ATAD3B: variants seen among roughly 807,000 people sequenced by gnomAD.
ATAD3B encodes ATPase family AAA domain containing 3B.
Under a neutral mutation model 70.2 loss-of-function variants are expected in ATAD3B, and 59 were observed. The ratio of observed to expected loss-of-function variants is 0.84; its 90% CI spans 0.68 to 1.04. The LOEUF is 1.04. Among genes scored for constraint, ATAD3B ranks in the 50% least tolerant of loss-of-function variants. The pLI, the probability that ATAD3B is intolerant of heterozygous loss-of-function variation, is 0.00. For missense variants in ATAD3B, 961 were observed against 913.4 expected (o/e 1.05, Z -0.67); for synonymous variants, 423 against 388.6 (o/e 1.09, Z -1.04).
chr1:1,487,522 AC>A (rs935386696), intron 11 of ATAD3B, among the ~76,000 whole-genome samples: 14 of 148,736 alleles, frequency 9.4e-5, no homozygotes, highest in Admixed American at 3.4e-4. Context: ...CCTTGCGTGG[AC>A]TCTTGAGCAC....
chr1:1,490,826 C>A (rs1316783724), intron 15 of ATAD3B, among the ~76,000 whole-genome samples, 155 bp downstream of exon 15: 2 of 152,164 alleles, frequency 1.3e-5, no homozygotes, highest in East Asian at 3.9e-4. Flanking sequence ...CTGCCTCAGT[C>A]GGGCCACTCC....
Position 1,490,329 on chromosome 1 carries a change from G to A in ATAD3B, c.1410G>A (p.Met470Ile), listed in dbSNP as rs1321772681. The A allele has an allele frequency of 2.5e-6, 4 of 1,613,268 alleles. No individual in the cohort carries two copies. The Admixed American group carries it at 6.7e-5, about 27-fold the overall frequency. The change falls in exon 14 of 16, where the codon ATG becomes ATA. Residue 470 changes from methionine to isoleucine, a missense_variant. Coordinates refer to ENST00000673477, the MANE Select transcript of ATAD3B (RefSeq NM_031921.6). ...DCAINSRIDVMVHFDLPQQEE... is the reference protein window; with the variant it reads ...DCAINSRIDVIVHFDLPQQEE... ...CCATCAACAGCCGCATTGACGTGAT[G>A]GTCCACTTCGACCTGCCGCAGCAGG...
At position 1,478,688 on chromosome 1, in the gene ATAD3B, G is replaced by A; in HGVS notation, c.327G>A (p.Arg109=). ...AGCAGCTCAAGAGCGAGCAGATCCG[G>A]GCGCAGGCTGAGGAGAGGAGGAAGA... The part of the protein sequence containing the change: ...AVEQLKSEQI[R]AQAEERRKTL... The change falls in exon 3 of 16, where the codon CGG becomes CGA. Residue 109 remains arginine (R), a synonymous_variant. Transcript: ENST00000673477. 1 of 1,542,106 alleles carries A rather than the reference G, an allele frequency of 6.5e-7. No individual in the cohort carries two copies. Among genetic ancestry groups the A allele is most frequent in the Non-Finnish European group, 8.7e-7 (1 of 1,143,332 alleles).
Position 1,490,450 on chromosome 1 carries a change from C to T in ATAD3B, c.1505+26C>T, listed in dbSNP as rs1426631184. 3.1e-6 allele frequency: 5 copies of T among 1,612,548 alleles called. 1 individual carries two copies. The highest frequency in any genetic ancestry group is 2.7e-5 in the African/African-American group (2 of 74,916). On this transcript the variant is annotated intron_variant, in intron 14 of 15. Coordinates refer to ENST00000673477, the MANE Select transcript of ATAD3B (RefSeq NM_031921.6). ...GTGAGTGTCCCGCCTCACCCGGCCC[C>T]CAATCCAGGCACCATATGGCATGGG...
At chr1:1,477,469 C>T (rs1639651983) in intron 2 of ATAD3B, 119 bp downstream of exon 2, 10 of 1,509,582 alleles carry the variant, frequency 6.6e-6, no homozygotes, top group South Asian at 2.3e-5. Flanking sequence ...GCAGTGGGGC[C>T]AGGGCCGAGC....
chr1:1,472,172 G>C, intron 1 of ATAD3B, 83 bp downstream of exon 1: 1 of 1,357,608 alleles, frequency 7.4e-7, no homozygotes, highest in Non-Finnish European at 9.6e-7. Context: ...GCCGCTCCTC[G>C]CTGCTGTCGG....
chr1:1,479,419 C>G (rs531733825), intron 4 of ATAD3B, among the ~76,000 whole-genome samples: 1 of 141,616 alleles, frequency 7.1e-6, no homozygotes, highest in South Asian at 2.4e-4. Flanking sequence ...CCTGCACACA[C>G]GGGCCCACAC....
intron 5 of ATAD3B, among the ~76,000 whole-genome samples, chr1:1,481,465 C>T (rs1196727953): frequency 1.5e-3 from 68 of 43,986 alleles, no homozygotes; most frequent in African/African-American, 7.1e-3. Flanking sequence ...TGAGCCTCTG[C>T]GTTCTGCCTA....
At position 1,482,092 on chromosome 1, in the gene ATAD3B, C is replaced by T. The variant is rs750660725; in HGVS notation, c.515-46C>T. The T allele has an allele frequency of 3.5e-5, 56 of 1,582,848 alleles. 2 individuals carry two copies. The highest frequency in any genetic ancestry group is 3.7e-5 in the Non-Finnish European group (43 of 1,164,866). ...GGTCCACAGTGTGGGTGGAGGTGGA[C>T]GTGCTGCACTGCATGGTGCTGAGCT... is the stretch of plus-strand genomic sequence containing the variant. On this transcript the variant is annotated intron_variant, in intron 5 of 15. Transcript: ENST00000673477.
the ATAD3B span, among the ~76,000 whole-genome samples, chr1:1,506,438 T>C: frequency 4.0e-5 from 6 of 151,306 alleles, no homozygotes; most frequent in Non-Finnish European, 8.8e-5. Context: ...GGAGTCTCAC[T>C]CTGTCACCCA....
At position 1,490,600 on chromosome 1, in the gene ATAD3B, T is replaced by C. The variant is rs956892075; in HGVS notation, c.1543T>C (p.Cys515Arg). The C allele has an allele frequency of 2.5e-6, 4 of 1,609,354 alleles. No homozygotes were observed. Among genetic ancestry groups the C allele is most frequent in the Non-Finnish European group, 3.4e-6 (4 of 1,178,478 alleles). Residue 515 changes from cysteine (C) to arginine (R), a missense_variant, in exon 15 of 16, where the codon TGC becomes CGC. By Grantham distance (180) the Cys-to-Arg change is radical. Transcript: ENST00000673477. The part of the protein sequence containing the change: ...KLAQFDYGRK[C>R]SEVARLTEGM... ...GGCCCAGTTTGACTACGGGAGGAAGTGCTCGGAGGTCGCTCGGCTGACGGA... is the reference window on the plus strand; with the variant it reads ...GGCCCAGTTTGACTACGGGAGGAAGCGCTCGGAGGTCGCTCGGCTGACGGA...
At position 1,471,844 on chromosome 1, in the gene ATAD3B, G is replaced by C. The variant is rs1318660967; in HGVS notation, c.-41G>C. ...CCAGCCGCGCCCGAGTCAGACTCGG[G>C]TGGGGGTCCCGGCGGCGGTAGCGGC... On this transcript the variant is annotated 5_prime_UTR_variant, in exon 1 of 16. Coordinates refer to ENST00000673477, the MANE Select transcript of ATAD3B (RefSeq NM_031921.6). The C allele has an allele frequency of 1.0e-5, 13 of 1,266,990 alleles. No individual in the cohort carries two copies. Among genetic ancestry groups the C allele is most frequent in the Non-Finnish European group, 1.3e-5 (13 of 1,002,838 alleles). The allele number at this position is 1,266,990 out of a possible 1,614,324, so 78.5% of individuals were successfully genotyped here.
chr1:1,503,026 C>G, the ATAD3B span, among the ~76,000 whole-genome samples: 1 of 150,794 alleles, frequency 6.6e-6, no homozygotes, highest in Admixed American at 6.6e-5. Flanking sequence ...AGATCGAGAC[C>G]ATCCTGGCTA....
At chr1:1,487,536 C>T (rs572137209) in intron 11 of ATAD3B, among the ~76,000 whole-genome samples, 1 of 151,388 alleles carries the variant, frequency 6.6e-6, no homozygotes, top group African/African-American at 2.4e-5. Flanking sequence ...TTGAGCACTG[C>T]ACTGGGTCGC....
chr1:1,500,291 G>T (rs1212374554), downstream of ATAD3B, among the ~76,000 whole-genome samples: 2 of 148,960 alleles, frequency 1.3e-5, no homozygotes, highest in African/African-American at 4.9e-5. Context: ...GGTGGCTCAC[G>T]CCTGTAATCC....
intron 2 of ATAD3B, chr1:1,478,419 C>T: frequency 6.6e-7 from 1 of 1,510,912 alleles, no homozygotes; most frequent in Non-Finnish European, 8.9e-7. Context: ...ACCTCCCTCC[C>T]CGGGGGCCTT....
intron 13 of ATAD3B, 68 bp from the exon 14 acceptor site, chr1:1,490,189 G>T (rs572050461): frequency 9.5e-6 from 15 of 1,573,728 alleles, no homozygotes; most frequent in Non-Finnish European, 1.3e-5. Flanking sequence ...GGGCTGAGGA[G>T]CCCCCGTTGC....
intron 1 of ATAD3B, 103 bp from the exon 2 acceptor site, chr1:1,477,171 A>C: frequency 6.9e-7 from 1 of 1,459,428 alleles, no homozygotes; most frequent in Non-Finnish European, 9.4e-7. Context: ...ACCGCTTCCC[A>C]CTAGGTTTTT....
chr1:1,483,783 G>C (rs527335576), intron 7 of ATAD3B: 3 of 152,470 alleles, frequency 2.0e-5, no homozygotes, highest in South Asian at 2.1e-4. Flanking sequence ...CCTGGCCACA[G>C]AACAAAACCC....
Sources: allele counts gnomAD v4.1 joint callset (sites outside exome capture counted in the v4.1 genomes callset), GRCh38; gene constraint gnomAD v4.1.1; transcripts MANE v1.5; gene names NCBI Gene and HGNC (gene_info 2026-07-23, HGNC 2026-07-21).